Variants in PDE4D observed in about 807,000 individuals in gnomAD.
PDE4D encodes 3',5'-cyclic-AMP phosphodiesterase 4D.
A neutral mutation model predicts 87.4 loss-of-function variants in PDE4D; 24 were observed. The observed-to-expected ratio is 0.27, with a 90% CI of 0.20 to 0.39. The LOEUF is 0.39. PDE4D is among the 10% of genes least tolerant of loss of function. The pLI is 1.00. For synonymous variants in PDE4D, 384 were observed against 383.2 expected (o/e 1.00, Z -0.02); for missense variants, 714 against 1,041.0 (o/e 0.69, Z 4.32).
chr5:60,240,468 C>T (rs930676424), intron 1 of PDE4D, among the ~76,000 whole-genome samples: 3 of 152,112 alleles, frequency 2.0e-5, no homozygotes, highest in Admixed American at 6.6e-5. Flanking sequence ...GACTTGGCTG[C>T]ATTCACCACA....
chr5:60,393,421 T>C (rs1245849130), intron 1 of PDE4D, among the ~76,000 whole-genome samples: 1 of 152,220 alleles, frequency 6.6e-6, no homozygotes, highest in Non-Finnish European at 1.5e-5. Flanking sequence ...TTTCCTTTTT[T>C]TCCCCTTGAA....
At chr5:59,114,216 A>G (rs1773174138) in intron 5 of PDE4D, among the ~76,000 whole-genome samples, 1 of 152,198 alleles carries the variant, frequency 6.6e-6, no homozygotes, top group Admixed American at 6.5e-5. Flanking sequence ...GCAGTAAGTC[A>G]CCAAATATGA....
chr5:60,326,450 A>G (rs1756804008), intron 1 of PDE4D, among the ~76,000 whole-genome samples: 1 of 152,148 alleles, frequency 6.6e-6, no homozygotes, highest in Admixed American at 6.5e-5. Context: ...ACTTTAATTC[A>G]GCAACTTAAA....
At chr5:60,008,131 A>T (rs189983059) in intron 2 of PDE4D, among the ~76,000 whole-genome samples, 2 of 152,102 alleles carry the variant, frequency 1.3e-5, no homozygotes, top group East Asian at 3.9e-4. Flanking sequence ...TGGGGACACA[A>T]AGATTGGGTC....
intron 1 of PDE4D, among the ~76,000 whole-genome samples, chr5:59,299,180 G>A (rs1769685476): frequency 6.6e-6 from 1 of 152,164 alleles, no homozygotes; most frequent in Non-Finnish European, 1.5e-5. Flanking sequence ...GCTATTTTCT[G>A]GCTGCAGTTA....
At chr5:60,199,312 T>C (rs1228403345) in intron 1 of PDE4D, among the ~76,000 whole-genome samples, 3 of 151,734 alleles carry the variant, frequency 2.0e-5, no homozygotes, top group Non-Finnish European at 2.9e-5. Flanking sequence ...CTCCTGATTA[T>C]CCAAATAGCT....
intron 2 of PDE4D, among the ~76,000 whole-genome samples, chr5:60,178,484 A>C (rs1341168316): frequency 3.9e-5 from 6 of 152,138 alleles, no homozygotes; most frequent in Non-Finnish European, 8.8e-5. Flanking sequence ...TTATATGCAG[A>C]CATACTGGAG....
At chr5:59,900,614 T>G (rs1456622674) in intron 3 of PDE4D, among the ~76,000 whole-genome samples, 1 of 152,180 alleles carries the variant, frequency 6.6e-6, no homozygotes, top group Non-Finnish European at 1.5e-5. Flanking sequence ...TCAGAAGATG[T>G]CATAGAACTT....
intron 1 of PDE4D, among the ~76,000 whole-genome samples, chr5:59,298,066 C>A (rs1216779521): frequency 6.7e-6 from 1 of 148,284 alleles, no homozygotes; most frequent in Non-Finnish European, 1.5e-5. Context: ...TAGAAGAACA[C>A]AACAAAAATA....
chr5:59,371,260 G>C (rs1783888689), intron 1 of PDE4D, among the ~76,000 whole-genome samples: 3 of 152,176 alleles, frequency 2.0e-5, no homozygotes. Context: ...TGGGACCTTT[G>C]TTCCATTTAG....
chr5:59,294,675 C>T (rs1351663148), intron 1 of PDE4D, among the ~76,000 whole-genome samples: 1 of 152,254 alleles, frequency 6.6e-6, no homozygotes, highest in Middle Eastern at 3.4e-3. Context: ...CTTGAAAGAA[C>T]AATGCACGCA....
chr5:59,395,206 G>A (rs1490698822), intron 1 of PDE4D, among the ~76,000 whole-genome samples: 4 of 152,124 alleles, frequency 2.6e-5, no homozygotes, highest in East Asian at 3.9e-4. Context: ...CAGCCGGGAA[G>A]CTCCAACTGG....
At chr5:59,689,308 G>A (rs1750487790) in intron 1 of PDE4D, among the ~76,000 whole-genome samples, 1 of 152,166 alleles carries the variant, frequency 6.6e-6, no homozygotes, top group Non-Finnish European at 1.5e-5. Context: ...GAACATTGAT[G>A]CAAATATCCT....
intron 1 of PDE4D, among the ~76,000 whole-genome samples, chr5:59,421,426 C>A (rs1794467084): frequency 6.6e-6 from 1 of 151,998 alleles, no homozygotes; most frequent in Non-Finnish European, 1.5e-5. Context: ...GAGGCTCTTA[C>A]AGTAGTTCAC....
At chr5:59,091,253 T>C (rs1163573269) in intron 5 of PDE4D, 4 of 387,050 alleles carry the variant, frequency 1.0e-5, no homozygotes, top group East Asian at 7.6e-5. Flanking sequence ...GTTAAAGATA[T>C]GCATGACCCA....
intron 1 of PDE4D, among the ~76,000 whole-genome samples, chr5:59,336,921 T>C (rs544740395): frequency 9.2e-5 from 14 of 152,330 alleles, no homozygotes; most frequent in Admixed American, 8.5e-4. Flanking sequence ...ATTTACTCAA[T>C]GTTCAGTTCA....
chr5:60,511,754 T>C (rs1190137465), intron 1 of PDE4D, among the ~76,000 whole-genome samples: 1 of 152,026 alleles, frequency 6.6e-6, no homozygotes, highest in East Asian at 1.9e-4. Flanking sequence ...AAATCCATAT[T>C]CATAATTGTC....
At chr5:60,152,049 A>G (rs1781555519) in intron 2 of PDE4D, among the ~76,000 whole-genome samples, 1 of 152,212 alleles carries the variant, frequency 6.6e-6, no homozygotes, top group African/African-American at 2.4e-5. Flanking sequence ...GTAGTACATT[A>G]ATTGATTTGA....
intron 5 of PDE4D, chr5:59,180,358 C>G: frequency 1.5e-6 from 1 of 687,482 alleles, no homozygotes; most frequent in African/African-American, 1.7e-5. Flanking sequence ...AGTATAAGCA[C>G]ATAGTTAAAT....
Sources: allele counts gnomAD v4.1 joint callset (sites outside exome capture counted in the v4.1 genomes callset), GRCh38; gene constraint gnomAD v4.1.1; transcripts MANE v1.5; gene names NCBI Gene and HGNC (gene_info 2026-07-23, HGNC 2026-07-21).